The following GEN1 variants were observed in gnomAD, a reference collection of about 807,000 sequenced individuals.
The protein encoded by GEN1 is GEN1 structure-specific endonuclease.
In GEN1, 64 loss-of-function variants were observed where a neutral mutation model predicts 67.6. The observed-to-expected ratio is 0.95, with a 90% CI of 0.77 to 1.17. GEN1 has a LOEUF of 1.17. Ranked by LOEUF, GEN1 falls within the 50% of genes most tolerant of loss-of-function variation. The pLI is 0.00. For synonymous variants in GEN1, 371 were observed against 359.4 expected (o/e 1.03, Z -0.37); for missense variants, 1,058 against 1,048.3 (o/e 1.01, Z -0.13).
chr2:17,771,087 G>T, intron 6 of GEN1, 109 bp from the exon 7 acceptor site: 1 of 736,960 alleles, frequency 1.4e-6, no homozygotes, highest in East Asian at 2.7e-5. Context: ...CCACCAAAGG[G>T]AAAATAATTA....
Position 17,768,767 on chromosome 2 carries a change from A to G in GEN1, c.666A>G (p.Ala222=), listed in dbSNP as rs1388612429. Residue 222 remains alanine, a synonymous_variant, in exon 6 of 14, where the codon GCA becomes GCG. Coordinates refer to ENST00000381254, the MANE Select transcript of GEN1 (RefSeq NM_001130009.3). ...TCCCTGGAGTTGGAAAAGAGCAAGC[A>G]TTAAAACTTATACAGATTTTGAAAG... The part of the protein sequence containing the change: ...KGVPGVGKEQ[A]LKLIQILKGQ... The G allele has an allele frequency of 1.9e-6, 3 of 1,611,720 alleles. No individual in the cohort carries two copies. In the Admixed American group the frequency reaches 5.0e-5, roughly 27 times the overall value.
intron 1 of GEN1, among the ~76,000 whole-genome samples, 190 bp from the exon 2 acceptor site, chr2:17,759,739 G>C (rs901178683): frequency 4.6e-5 from 7 of 151,908 alleles, no homozygotes; most frequent in African/African-American, 1.7e-4. Context: ...TTTTTAGCTG[G>C]GAAAAAGCCA....
rs759632938 is a variant in GEN1 at position 17,773,317 on chromosome 2, C to A, written c.1071+18C>A. On this transcript the variant is annotated intron_variant, in intron 10 of 13. Coordinates refer to ENST00000381254, the MANE Select transcript of GEN1 (RefSeq NM_001130009.3). Reference sequence around the variant, plus strand: ...TGTTTCAGGTATCTGAAAATAAATTCTTCTTTACTGTATGAAGTTATATGC... The same window carrying A: ...TGTTTCAGGTATCTGAAAATAAATTATTCTTTACTGTATGAAGTTATATGC... The A allele has an allele frequency of 3.5e-6, 5 of 1,440,224 alleles. No individual in the cohort carries two copies. The highest frequency in any genetic ancestry group is 2.8e-5 in the African/African-American group (2 of 70,894). The allele number at this position is 1,440,224 out of a possible 1,614,324, so 89.2% of individuals were successfully genotyped here.
In GEN1 at chr2:17,778,276, GTA is replaced by G. The variant is rs10535309; in HGVS notation, c.1264+218_1264+219del. Reference sequence around the variant, plus strand: ...TACACACATATGTGTGTACATATATGTATATACACACACATGTGTGTGTACAT... The same window carrying G: ...TACACACATATGTGTGTACATATATGTATACACACACATGTGTGTGTACAT... On this transcript the variant is annotated intron_variant, in intron 12 of 13. Coordinates refer to ENST00000381254, the MANE Select transcript of GEN1 (RefSeq NM_001130009.3). Among the ~76,000 whole-genome samples the G allele has an allele frequency of 0.062, 2,282 of 36,714 alleles. 354 individuals carry two copies. Among genetic ancestry groups the G allele is most frequent in the East Asian group, 0.61 (56 of 92 alleles). 24.1% of individuals were successfully genotyped at this position (36,714 alleles called of 152,430 possible).
At position 17,761,445 on chromosome 2, in the gene GEN1, G is replaced by A. The variant is rs1558396164; in HGVS notation, c.211G>A (p.Val71Ile). The change falls in exon 3 of 14, where the codon GTA becomes ATA. Residue 71 changes from valine (V) to isoleucine (I), a missense_variant. By Grantham distance (29) the Val-to-Ile change is conservative. Transcript: ENST00000381254. ...SYLTQMDVKLVFVMEGEPPKL... is the reference protein window; with the variant it reads ...SYLTQMDVKLIFVMEGEPPKL... ...TTTAACACAAATGGATGTAAAACTGGTATTTGTTATGGAAGGGGAACCACC... is the reference window on the plus strand; with the variant it reads ...TTTAACACAAATGGATGTAAAACTGATATTTGTTATGGAAGGGGAACCACC... The A allele has an allele frequency of 6.2e-7, 1 of 1,611,000 alleles. No individual in the cohort carries two copies. The highest frequency in any genetic ancestry group is 8.5e-7 in the Non-Finnish European group (1 of 1,177,368).
In GEN1 at chr2:17,761,582, G is replaced by T. The variant is rs751254134; in HGVS notation, c.348G>T (p.Glu116Asp). Residue 116 changes from glutamate to aspartate, a missense_variant and splice_region_variant, in exon 3 of 14, where the codon GAG (glutamate) becomes GAT (aspartate). Transcript: ENST00000381254. ...CACATTTTAAATCAGTCTTAAGAGA[G>T]GTGAGCATTCAGATTTGATTCAGTA... is the stretch of plus-strand genomic sequence containing the variant. The part of the protein sequence containing the change: ...GRSHFKSVLR[E>D]CLHMLECLGI... The T allele has an allele frequency of 1.3e-6, 2 of 1,585,300 alleles. No homozygotes were observed. The highest frequency in any genetic ancestry group is 1.7e-6 in the Non-Finnish European group (2 of 1,167,908).
chr2:17,782,648 G>T lies in GEN1; in HGVS notation c.*709G>T, dbSNP rs1390038784. 1 of 152,184 alleles carries T rather than the reference G, an allele frequency of 6.6e-6. No homozygotes were observed. Among genetic ancestry groups the T allele is most frequent in the Non-Finnish European group, 1.5e-5 (1 of 68,024 alleles). 9.4% of individuals were successfully genotyped at this position (152,184 alleles called of 1,614,324 possible). On this transcript the variant is annotated 3_prime_UTR_variant, in exon 14 of 14. Coordinates refer to ENST00000381254, the MANE Select transcript of GEN1 (RefSeq NM_001130009.3). ...CTTATGTATCCCCAGAAGTTCACAG[G>T]TATATCGGGTGGAAAAAGATTTGGA...
intron 12 of GEN1, among the ~76,000 whole-genome samples, chr2:17,778,347 C>CGTGTACATATATGTATATACACACATAT (rs1553331345): frequency 2.8e-5 from 1 of 35,152 alleles, no homozygotes; most frequent in African/African-American, 7.5e-5. Flanking sequence ...TATACACACA[C>CGTGTACATATATGTATATACACACATAT]ATGTGTGTAC....
At position 17,757,079 on chromosome 2, in the gene GEN1, C is replaced by T. The variant is rs865887767; in HGVS notation, c.-16+2734C>T. 3.3e-5 allele frequency among the ~76,000 whole-genome samples: 5 copies of T among 152,090 alleles called. No homozygotes were observed. In the South Asian group the frequency reaches 1.0e-3, roughly 32 times the overall value. On this transcript the variant is annotated intron_variant, in intron 1 of 13. Coordinates refer to ENST00000381254, the MANE Select transcript of GEN1 (RefSeq NM_001130009.3). ...CATAATTTTCCTCTTTCAGAACTAA[C>T]CATGGTTAATCATTCTTTAAACCAG...
chr2:17,786,082 CATTT>C lies in GEN1; in HGVS notation c.*4147_*4150del. 6.6e-6 allele frequency: 1 copy of C among 152,242 alleles called. No individual in the cohort carries two copies. Among genetic ancestry groups the C allele is most frequent in the South Asian group, 2.1e-4 (1 of 4,826 alleles). 9.4% of individuals were successfully genotyped at this position (152,242 alleles called of 1,614,324 possible). On this transcript the variant is annotated 3_prime_UTR_variant, in exon 14 of 14. Transcript: ENST00000381254. ...GACATTTTCTAACTTTTCTGAGACT[CATTT>C]ATTCAAATGTTTATGTGACAGGCAT...
intron 11 of GEN1, among the ~76,000 whole-genome samples, chr2:17,777,228 G>A (rs1672473696): frequency 1.3e-5 from 2 of 152,138 alleles, no homozygotes; most frequent in South Asian, 4.1e-4. Flanking sequence ...ACAGTGGTCA[G>A]CCCAGGAATT....
At chr2:17,775,899 G>A (rs1672402200) in intron 11 of GEN1, among the ~76,000 whole-genome samples, 1 of 152,086 alleles carries the variant, frequency 6.6e-6, no homozygotes, top group Non-Finnish European at 1.5e-5. Flanking sequence ...AGCATTTTGG[G>A]AGACTGAGGC....
chr2:17,776,847 G>C (rs1672456551), intron 11 of GEN1, among the ~76,000 whole-genome samples: 1 of 152,170 alleles, frequency 6.6e-6, no homozygotes, highest in Non-Finnish European at 1.5e-5. Context: ...CAGTTAAAGG[G>C]CTGGGCGTGG....
chr2:17,766,643 C>G lies in GEN1; in HGVS notation c.590C>G (p.Ala197Gly). 6.2e-7 allele frequency: 1 copy of G among 1,609,184 alleles called. No individual in the cohort carries two copies. Among genetic ancestry groups the G allele is most frequent in the Non-Finnish European group, 8.5e-7 (1 of 1,175,910 alleles). Residue 197 changes from alanine to glycine, a missense_variant, in exon 5 of 14, where the codon GCT becomes GGT. Transcript: ENST00000381254. ...IKSKLGLDRD[A>G]LVGLAILLGC... ...AGTAAACTAGGTTTGGATAGAGATGCTCTGGTTGGATTAGCAATACTTCTT... is the reference window on the plus strand; with the variant it reads ...AGTAAACTAGGTTTGGATAGAGATGGTCTGGTTGGATTAGCAATACTTCTT...
Position 17,787,168 on chromosome 2 carries a change from T to A in GEN1, c.*5229T>A, listed in dbSNP as rs1459368230. 1 of 152,232 alleles carries A rather than the reference T, an allele frequency of 6.6e-6. No individual in the cohort carries two copies. The highest frequency in any genetic ancestry group is 6.5e-5 in the Admixed American group (1 of 15,280). The allele number at this position is 152,232 out of a possible 1,614,324, so 9.4% of individuals were successfully genotyped here. A position where few individuals can be genotyped will look rare whatever the true frequency, so the allele number is the denominator to read the frequency against. On this transcript the variant is annotated 3_prime_UTR_variant, in exon 14 of 14. Coordinates refer to ENST00000381254, the MANE Select transcript of GEN1 (RefSeq NM_001130009.3). ...AACTTTATAATCCCAAGCAGAATTA[T>A]TTGCTCTATACGTGTCCCCAAAGAA...
At chr2:17,776,024 G>T (rs1259580951) in intron 11 of GEN1, among the ~76,000 whole-genome samples, 1 of 151,212 alleles carries the variant, frequency 6.6e-6, no homozygotes, top group Admixed American at 6.6e-5. Flanking sequence ...GCTGAGTTGG[G>T]AGGATTGCTT....
chr2:17,780,548 T>G, intron 13 of GEN1, 73 bp from the exon 14 acceptor site: 1 of 1,021,232 alleles, frequency 9.8e-7, no homozygotes, highest in Middle Eastern at 3.3e-4. Context: ...CTGAACTGTT[T>G]ATTTTTTTAT....
intron 5 of GEN1, among the ~76,000 whole-genome samples, chr2:17,767,683 G>C (rs973080409): frequency 6.6e-6 from 1 of 152,112 alleles, no homozygotes; most frequent in African/African-American, 2.4e-5. Flanking sequence ...AAAATTTGCT[G>C]ACTTGAACTC....
chr2:17,758,313 A>G (rs914361079), intron 1 of GEN1, among the ~76,000 whole-genome samples: 4 of 152,242 alleles, frequency 2.6e-5, no homozygotes, highest in African/African-American at 9.6e-5. Flanking sequence ...GGAATTGCAT[A>G]ATTGTCTTCG....
Sources: gnomAD v4.1 joint callset for allele counts (sites outside exome capture counted in the v4.1 genomes callset) on GRCh38, gnomAD v4.1.1 for gene constraint, MANE v1.5 for transcripts, NCBI Gene and HGNC (gene_info 2026-07-23, HGNC 2026-07-21) for gene names.